PPP6R2: variants seen among roughly 807,000 people sequenced by gnomAD.
PPP6R2 encodes serine/threonine-protein phosphatase 6 regulatory subunit 2.
PPP6R2 carries 62 observed loss-of-function variants against 100.2 expected under a neutral mutation model. That is an observed-to-expected ratio of 0.62 (90% CI 0.50 to 0.76). The LOEUF is 0.76. PPP6R2 is among the 30% of genes least tolerant of loss of function. The pLI is 0.00. For synonymous variants in PPP6R2, 525 were observed against 514.7 expected, an observed-to-expected ratio of 1.02 and a Z score of -0.27; for missense variants, 1,142 against 1,276.3, an observed-to-expected ratio of 0.89 and a Z score of 1.60.
chr22:50,382,514 G>A lies in PPP6R2; in HGVS notation c.-17+10364G>A, dbSNP rs1182635929. Among the ~76,000 whole-genome samples, 7 of 137,620 alleles carry A rather than the reference G, an allele frequency of 5.1e-5. No homozygotes were observed. The East Asian group carries it at 1.0e-3, about 20-fold the overall frequency. The allele number at this position is 137,620 out of a possible 152,430, so 90.3% of individuals were successfully genotyped here. On this transcript the variant is annotated intron_variant, in intron 2 of 23. Coordinates refer to ENST00000612753, the MANE Select transcript of PPP6R2 (RefSeq NM_001242898.2). Reference sequence around the variant, plus strand: ...GGGCTAGGCAAAAGGGTGAAAATCCGTCTCCAAAAAAAAAAAAAAATTCAA... The same window carrying A: ...GGGCTAGGCAAAAGGGTGAAAATCCATCTCCAAAAAAAAAAAAAAATTCAA...
At chr22:50,437,648 T>C (rs9306550) in intron 16 of PPP6R2, 45 bp downstream of exon 16, 1,119,443 of 1,506,450 alleles carry the variant, frequency 0.74, 419,616 homozygotes, top group East Asian at 0.97. Flanking sequence ...CGGCTCTCCC[T>C]GCTGCTGAGC....
upstream of PPP6R2, among the ~76,000 whole-genome samples, chr22:50,339,989 G>A (rs906399260): frequency 2.9e-5 from 4 of 140,060 alleles, no homozygotes; most frequent in Admixed American, 2.9e-4. Context: ...TATGTAGTGT[G>A]TGTTATGTGG....
chr22:50,437,792 A>C, intron 16 of PPP6R2, 51 bp from the exon 17 acceptor site: 1 of 1,536,394 alleles, frequency 6.5e-7, no homozygotes, highest in Non-Finnish European at 8.8e-7. Flanking sequence ...GAGGCCCCAG[A>C]TGAGCAGTGG....
Position 50,398,055 on chromosome 22 carries a change from A to T in PPP6R2, c.227+3920A>T, listed in dbSNP as rs374569507. Among the ~76,000 whole-genome samples the T allele has an allele frequency of 9.2e-4, 140 of 152,266 alleles. 2 individuals carry two copies. In the South Asian group the frequency reaches 0.012, roughly 14 times the overall value. On this transcript the variant is annotated intron_variant, in intron 3 of 23. Transcript: ENST00000612753. ...CACTTGTATAAAAAACATGAAAGTC[A>T]GGTGTGGTGGCTCACGCTGGTAATC...
intron 2 of PPP6R2, among the ~76,000 whole-genome samples, chr22:50,377,032 A>C (rs1489994390): frequency 6.6e-6 from 1 of 152,196 alleles, no homozygotes; most frequent in South Asian, 2.1e-4. Context: ...GTCTCAAAAA[A>C]ATAAAAAATA....
chr22:50,356,590 T>A (rs1338089007), intron 1 of PPP6R2, among the ~76,000 whole-genome samples: 1 of 152,030 alleles, frequency 6.6e-6, no homozygotes, highest in Non-Finnish European at 1.5e-5. Context: ...TAAACAGGAG[T>A]AGAAGTGCTG....
intron 1 of PPP6R2, among the ~76,000 whole-genome samples, chr22:50,364,462 A>C (rs1239782191): frequency 1.3e-5 from 2 of 152,154 alleles, no homozygotes; most frequent in African/African-American, 4.8e-5. Context: ...CATACAAACA[A>C]ATGTTAGTGT....
rs1231132839 is a variant in PPP6R2, at chr22:50,431,657, C to T, written c.1335+275C>T. 1.3e-5 allele frequency among the ~76,000 whole-genome samples: 2 copies of T among 152,156 alleles called. No individual in the cohort carries two copies. Among genetic ancestry groups the T allele is most frequent in the Non-Finnish European group, 2.9e-5 (2 of 68,034 alleles). The stretch of plus-strand genomic sequence containing the variant: ...ACTGGATGAGATGAGTTCAGTCTGG[C>T]CTCCAGCTGGAGGCCCAGGGAATAA... On this transcript the variant is annotated intron_variant, in intron 11 of 23. Coordinates refer to ENST00000612753, the MANE Select transcript of PPP6R2 (RefSeq NM_001242898.2). This position sits in a 1 kb window ranked among gnomAD's most constrained non-coding sequence, Gnocchi z 4.8.
rs1424987792 is a variant in PPP6R2 at position 50,437,007 on chromosome 22, ACTC to A, written c.1626_1628del (p.Ser544del). On this transcript the variant is annotated inframe_deletion, in exon 15 of 24. Coordinates refer to ENST00000612753, the MANE Select transcript of PPP6R2 (RefSeq NM_001242898.2). ...TTTTAGGTGAGCACTCACCACCTTC[ACTC>A]CTCAAGTGAGGACGAGGACATTGAG... The A allele has an allele frequency of 5.8e-6, 9 of 1,559,152 alleles. No homozygotes were observed. The highest frequency in any genetic ancestry group is 1.2e-5 in the South Asian group (1 of 84,620).
intron 2 of PPP6R2, among the ~76,000 whole-genome samples, chr22:50,388,405 A>AT (rs953696254): frequency 5.9e-5 from 9 of 151,302 alleles, no homozygotes; most frequent in African/African-American, 2.2e-4. Flanking sequence ...AAAAAAAAAA[A>AT]AAATAAGCCT....
intron 8 of PPP6R2, among the ~76,000 whole-genome samples, chr22:50,420,007 T>C (rs2061101348): frequency 6.6e-6 from 1 of 151,908 alleles, no homozygotes; most frequent in African/African-American, 2.4e-5. Context: ...ATTCATCAGG[T>C]GTCATTTCTG....
chr22:50,441,980 C>T lies in PPP6R2; in HGVS notation c.2579+954C>T, dbSNP rs538499851. On this transcript the variant is annotated intron_variant, in intron 22 of 23. Transcript: ENST00000612753. ...GCAAAGACCCTGAGGCCTGAGCTCC[C>T]AGTAGGTCCAGGCAACAGTGGGGAA... 2.2e-3 allele frequency among the ~76,000 whole-genome samples: 328 copies of T among 152,274 alleles called. 1 individual carries two copies. Among genetic ancestry groups the T allele is most frequent in the African/African-American group, 7.7e-3 (320 of 41,548 alleles).
chr22:50,342,293 G>A (rs2042489977), upstream of PPP6R2, among the ~76,000 whole-genome samples: 1 of 152,220 alleles, frequency 6.6e-6, no homozygotes, highest in African/African-American at 2.4e-5. Flanking sequence ...TTCCCTCAAC[G>A]GAACCTGCCA....
the PPP6R2 span, among the ~76,000 whole-genome samples, chr22:50,336,794 C>T: frequency 6.6e-6 from 1 of 151,158 alleles, no homozygotes. Context: ...GCAGCCCCGA[C>T]CTCCAGGGCT....
chr22:50,443,670 G>A, intron 22 of PPP6R2, 196 bp from the exon 23 acceptor site: 1 of 696,314 alleles, frequency 1.4e-6, no homozygotes, highest in South Asian at 2.0e-5. Context: ...GCTTGTCCCA[G>A]TACTTGGAAC....
At position 50,440,960 on chromosome 22, in the gene PPP6R2, G is replaced by T. The variant is rs554935921; in HGVS notation, c.2513G>T (p.Ser838Ile). The T allele has an allele frequency of 6.2e-7, 1 of 1,612,856 alleles. No individual in the cohort carries two copies. The highest frequency in any genetic ancestry group is 8.5e-7 in the Non-Finnish European group (1 of 1,179,506). The change falls in exon 22 of 24, where the codon AGC (serine) becomes ATC (isoleucine). Residue 838 changes from serine (S) to isoleucine (I), a missense_variant. Physicochemically the swap from Ser to Ile is moderately radical, Grantham distance 142 (BLOSUM62 -2). Around this residue, in one of 2 missense-constraint regions of PPP6R2, gnomAD observed 550 missense variants for 517.4 expected, o/e 1.06. Transcript: ENST00000612753. ...GCAGCGAGTGCCATGGATGCGGTGAGCAGGGGTCCCGGCCGGGAGGCCCCC... is the reference window on the plus strand; with the variant it reads ...GCAGCGAGTGCCATGGATGCGGTGATCAGGGGTCCCGGCCGGGAGGCCCCC... ...QKAASAMDAV[S>I]RGPGREAPPL...
the PPP6R2 span, among the ~76,000 whole-genome samples, chr22:50,338,074 GTGTGTGA>G: frequency 6.8e-6 from 1 of 147,530 alleles, no homozygotes; most frequent in Non-Finnish European, 1.5e-5. Context: ...TGTGTGTGGT[GTGTGTGA>G]TGTGTAGTGT....
the PPP6R2 span, among the ~76,000 whole-genome samples, chr22:50,338,285 T>TTGTGGTGTGTATTGTGTGGTGTGTG: frequency 9.2e-6 from 1 of 108,706 alleles, no homozygotes; most frequent in African/African-American, 3.9e-5. Context: ...TGTGGTGTGT[T>TTGTGGTGTGTATTGTGTGGTGTGTG]TGTGGTGTGT....
intron 1 of PPP6R2, among the ~76,000 whole-genome samples, chr22:50,351,854 C>T (rs866535713): frequency 4.7e-4 from 71 of 151,892 alleles, no homozygotes; most frequent in Middle Eastern, 3.4e-3. Flanking sequence ...AGTGCAGTGG[C>T]GCGATCTCGG....
Sources: allele counts gnomAD v4.1 joint callset (sites outside exome capture counted in the v4.1 genomes callset), GRCh38; gene constraint gnomAD v4.1.1; regional missense constraint gnomAD v4.1.1; non-coding constraint Gnocchi (gnomAD v3.1); transcripts MANE v1.5; gene names NCBI Gene and HGNC (gene_info 2026-07-23, HGNC 2026-07-21).